Variants in FARS2 observed in about 807,000 individuals in gnomAD.
The protein encoded by FARS2 is phenylalanyl-tRNA synthetase 2, mitochondrial.
In FARS2, 40 loss-of-function variants were observed where a neutral mutation model predicts 46.4. That is an observed-to-expected ratio of 0.86 (90% confidence interval 0.67 to 1.12). The LOEUF (loss-of-function observed/expected upper bound fraction) is 1.12. FARS2 is among the 50% of genes most tolerant of loss of function. FARS2 has a pLI of 0.00. For missense variants in FARS2, 513 were observed against 567.9 expected, an observed-to-expected ratio of 0.90 and a Z score of 0.98; for synonymous variants, 234 against 214.9, an observed-to-expected ratio of 1.09 and a Z score of -0.78.
intron 4 of FARS2, among the ~76,000 whole-genome samples, chr6:5,482,044 G>A (rs182912981): frequency 6.8e-4 from 104 of 152,268 alleles, no homozygotes; most frequent in African/African-American, 2.4e-3. Flanking sequence ...GAAAGAAGCC[G>A]AGGAAACATG....
chr6:5,727,830 T>C lies in FARS2; in HGVS notation c.1218-43461T>C, dbSNP rs529909227. 1.3e-4 allele frequency among the ~76,000 whole-genome samples: 20 copies of C among 152,316 alleles called. No individual in the cohort carries two copies. The highest frequency in any genetic ancestry group is 4.1e-4 in the African/African-American group (17 of 41,580). On this transcript the variant is annotated intron_variant, in intron 6 of 6. Transcript: ENST00000274680. The surrounding 1 kb of genome is among the most constrained non-coding windows in gnomAD (Gnocchi z 4.1). ...GCCATGTGTCCCCAGCACTTGGATA[T>C]GTAATGCGAGGGATACCAACAGACT...
intron 4 of FARS2, among the ~76,000 whole-genome samples, chr6:5,534,806 T>C (rs6909197): frequency 0.11 from 16,858 of 148,658 alleles, 1,001 homozygotes; most frequent in Middle Eastern, 0.17. Context: ...GAGACACACA[T>C]ATGTATACAC....
At chr6:5,439,600 G>C (rs1476668702) in intron 4 of FARS2, among the ~76,000 whole-genome samples, 2 of 152,178 alleles carry the variant, frequency 1.3e-5, no homozygotes, top group Non-Finnish European at 2.9e-5. Flanking sequence ...TAGACTGGTG[G>C]GCTCATGCCC....
chr6:5,678,758 G>A (rs1380731716), intron 6 of FARS2, among the ~76,000 whole-genome samples: 1 of 152,172 alleles, frequency 6.6e-6, no homozygotes, highest in East Asian at 1.9e-4. Flanking sequence ...AAACACCCTG[G>A]TACGTGCTCT....
chr6:5,503,077 A>G (rs1293171149), intron 4 of FARS2, among the ~76,000 whole-genome samples: 1 of 152,052 alleles, frequency 6.6e-6, no homozygotes, highest in Non-Finnish European at 1.5e-5. Context: ...TATGGAGAAC[A>G]ATGTTTTAAT....
chr6:5,413,343 A>G (rs1435103003), intron 3 of FARS2, among the ~76,000 whole-genome samples: 2 of 152,188 alleles, frequency 1.3e-5, no homozygotes, highest in African/African-American at 2.4e-5. Flanking sequence ...ATCTTAAGGT[A>G]CAGAGAAAAA....
rs182691060 is a variant in FARS2, at chr6:5,448,315, A to G, written c.904+17143A>G. Reference sequence around the variant, plus strand: ...TATACAATTATTTTATAGGTCATGCATTTATTTGGGGTGTGAGTGTGCCTG... The same window carrying G: ...TATACAATTATTTTATAGGTCATGCGTTTATTTGGGGTGTGAGTGTGCCTG... On this transcript the variant is annotated intron_variant, in intron 4 of 6. Coordinates refer to ENST00000274680, the MANE Select transcript of FARS2 (RefSeq NM_006567.5). Among the ~76,000 whole-genome samples the G allele has an allele frequency of 3.9e-5, 6 of 152,266 alleles. No individual in the cohort carries two copies. The East Asian group carries it at 1.2e-3, about 29-fold the overall frequency.
At chr6:5,447,764 A>G (rs1764261931) in intron 4 of FARS2, among the ~76,000 whole-genome samples, 1 of 152,220 alleles carries the variant, frequency 6.6e-6, no homozygotes, top group African/African-American at 2.4e-5. Flanking sequence ...GCTGAGTAGC[A>G]TTTGTAAGAA....
intron 3 of FARS2, among the ~76,000 whole-genome samples, chr6:5,418,131 T>C (rs569895705): frequency 6.6e-6 from 1 of 152,344 alleles, no homozygotes; most frequent in South Asian, 2.1e-4. Flanking sequence ...AACGAATATA[T>C]AATACATATT....
At chr6:5,673,678 T>C (rs1778601450) in intron 6 of FARS2, among the ~76,000 whole-genome samples, 1 of 152,124 alleles carries the variant, frequency 6.6e-6, no homozygotes, top group Non-Finnish European at 1.5e-5. Context: ...ATGTCGATGA[T>C]GCTTGTTTCT....
intron 1 of FARS2, among the ~76,000 whole-genome samples, chr6:5,324,443 C>A (rs1302824480): frequency 1.1e-5 from 1 of 88,290 alleles, no homozygotes; most frequent in African/African-American, 4.3e-5. Flanking sequence ...AGACTATTTG[C>A]TTTTTTTTTT....
chr6:5,631,038 A>C (rs530648453), intron 6 of FARS2, among the ~76,000 whole-genome samples: 1 of 152,304 alleles, frequency 6.6e-6, no homozygotes, highest in South Asian at 2.1e-4. Context: ...TGGGAAGCAA[A>C]GTGCAATACA....
chr6:5,290,963 TC>T (rs1767461409), intron 1 of FARS2: 1 of 152,272 alleles, frequency 6.6e-6, no homozygotes. Context: ...CAAGTGATCC[TC>T]CCACCTCAGC....
chr6:5,767,907 G>A (rs1271644550), intron 6 of FARS2, among the ~76,000 whole-genome samples: 1 of 152,204 alleles, frequency 6.6e-6, no homozygotes, highest in Non-Finnish European at 1.5e-5. Context: ...CAGACACTTG[G>A]AGTTGGTTGC....
chr6:5,498,532 C>T (rs1295316843), intron 4 of FARS2, among the ~76,000 whole-genome samples: 1 of 152,140 alleles, frequency 6.6e-6, no homozygotes, highest in Non-Finnish European at 1.5e-5. Context: ...GTCTCTAACA[C>T]CAGCGGAGTG....
At chr6:5,300,681 T>G (rs1768235643) in intron 1 of FARS2, among the ~76,000 whole-genome samples, 1 of 151,690 alleles carries the variant, frequency 6.6e-6, no homozygotes, top group African/African-American at 2.4e-5. Context: ...CTTTCTTTCT[T>G]TTTTTTTGAG....
At chr6:5,375,973 T>C (rs1159169026) in intron 2 of FARS2, among the ~76,000 whole-genome samples, 2 of 152,190 alleles carry the variant, frequency 1.3e-5, no homozygotes, top group Non-Finnish European at 2.9e-5. Flanking sequence ...TAAAGTTGGC[T>C]ACATTGTGTT....
intron 6 of FARS2, among the ~76,000 whole-genome samples, chr6:5,639,465 G>T (rs1484980792): frequency 6.6e-6 from 1 of 152,234 alleles, no homozygotes. Context: ...TGGGAATCAT[G>T]ACAGATATCT....
intron 5 of FARS2, among the ~76,000 whole-genome samples, chr6:5,597,446 C>CT (rs1399093724): frequency 6.6e-6 from 1 of 152,210 alleles, no homozygotes; most frequent in East Asian, 1.9e-4. Context: ...GGGAGGAAGT[C>CT]TGAGTGGCTG....
Sources: gnomAD v4.1 joint callset for allele counts (sites outside exome capture counted in the v4.1 genomes callset) on GRCh38, gnomAD v4.1.1 for gene constraint, Gnocchi (gnomAD v3.1) non-coding constraint, MANE v1.5 for transcripts, NCBI Gene and HGNC (gene_info 2026-07-23, HGNC 2026-07-21) for gene names.